ROBO2: variants seen among roughly 807,000 people sequenced by gnomAD.
The protein encoded by ROBO2 is roundabout homolog 2.
ROBO2 carries 53 observed loss-of-function variants against 160.8 expected under a neutral mutation model. That is an observed-to-expected ratio of 0.33 (90% CI 0.26 to 0.41). The LOEUF (loss-of-function observed/expected upper bound fraction) is 0.41, where lower values mean the gene tolerates loss of function less well. Ranked by LOEUF, ROBO2 falls within the 10% of genes least tolerant of loss-of-function variation. The pLI, the probability that ROBO2 is intolerant of heterozygous loss-of-function variation, is 1.00. For missense variants in ROBO2, 1,577 were observed against 1,722.4 expected, an observed-to-expected ratio of 0.92 and a Z score of 1.49; for synonymous variants, 664 against 611.7, an observed-to-expected ratio of 1.09 and a Z score of -1.26.
At chr3:76,841,812 T>C (rs1041900685) in intron 2 of ROBO2, among the ~76,000 whole-genome samples, 3 of 152,226 alleles carry the variant, frequency 2.0e-5, no homozygotes, top group Non-Finnish European at 4.4e-5. Context: ...GAATTAAAAG[T>C]ACTATTCAGT....
At chr3:76,186,695 C>G (rs970239772) in intron 2 of ROBO2, among the ~76,000 whole-genome samples, 1 of 152,102 alleles carries the variant, frequency 6.6e-6, no homozygotes, top group Non-Finnish European at 1.5e-5. Flanking sequence ...CATCTCTTGT[C>G]CTCATATCTG....
chr3:76,727,353 A>G (rs2093568279), intron 2 of ROBO2, among the ~76,000 whole-genome samples: 1 of 152,196 alleles, frequency 6.6e-6, no homozygotes, highest in African/African-American at 2.4e-5. Context: ...AAATGGAAAT[A>G]TTTAAAAAGC....
At chr3:76,411,725 G>C (rs559294855) in intron 2 of ROBO2, among the ~76,000 whole-genome samples, 1 of 152,258 alleles carries the variant, frequency 6.6e-6, no homozygotes, top group African/African-American at 2.4e-5. Context: ...TGGCATGCAA[G>C]TAATTTTTGT....
At chr3:77,566,867 CA>C (rs2093498004) in intron 12 of ROBO2, among the ~76,000 whole-genome samples, 1 of 151,958 alleles carries the variant, frequency 6.6e-6, no homozygotes, top group Non-Finnish European at 1.5e-5. Flanking sequence ...ATCTGCAAAG[CA>C]TTTCTTTTTC....
intron 2 of ROBO2, among the ~76,000 whole-genome samples, chr3:76,807,039 G>A (rs1299950385): frequency 6.6e-6 from 1 of 151,860 alleles, no homozygotes. Flanking sequence ...CCAAAAGTTG[G>A]GGAAGAAGAC....
chr3:76,854,072 C>G (rs796221705), intron 2 of ROBO2, among the ~76,000 whole-genome samples: 1 of 71,696 alleles, frequency 1.4e-5, no homozygotes, highest in Non-Finnish European at 3.2e-5. Context: ...CTCTCTTTCT[C>G]TGTCTGCCTC....
At chr3:77,257,952 T>C (rs1322025137) in intron 2 of ROBO2, among the ~76,000 whole-genome samples, 3 of 152,262 alleles carry the variant, frequency 2.0e-5, no homozygotes, top group Non-Finnish European at 4.4e-5. Flanking sequence ...TATAATGCCA[T>C]TTAAACCTTT....
intron 2 of ROBO2, among the ~76,000 whole-genome samples, chr3:76,048,693 C>T (rs1458687436): frequency 2.0e-5 from 3 of 151,976 alleles, no homozygotes; most frequent in Non-Finnish European, 2.9e-5. Context: ...TCCATTTGAC[C>T]CCTAAAAAGC....
intron 2 of ROBO2, among the ~76,000 whole-genome samples, chr3:76,484,327 A>G (rs2079374522): frequency 6.6e-6 from 1 of 152,222 alleles, no homozygotes; most frequent in African/African-American, 2.4e-5. Context: ...TTCTTAATGT[A>G]AAATATATGT....
At chr3:76,043,969 G>A (rs2067367174) in intron 2 of ROBO2, among the ~76,000 whole-genome samples, 1 of 151,872 alleles carries the variant, frequency 6.6e-6, no homozygotes, top group Non-Finnish European at 1.5e-5. Flanking sequence ...GTTGAGTGGT[G>A]GTGTTTTACA....
chr3:77,365,163 A>G (rs1471744716), intron 2 of ROBO2, among the ~76,000 whole-genome samples: 1 of 151,810 alleles, frequency 6.6e-6, no homozygotes, highest in East Asian at 1.9e-4. Flanking sequence ...AAAAAAAAAA[A>G]AAAAGAAAGA....
intron 2 of ROBO2, among the ~76,000 whole-genome samples, chr3:76,948,908 A>ATTTTTT (rs1157110855): frequency 4.0e-5 from 1 of 24,970 alleles, no homozygotes; most frequent in African/African-American, 1.8e-4. Context: ...ATATATATAT[A>ATTTTTT]TTTTTTTTTT....
chr3:77,232,562 C>T (rs62249661), intron 2 of ROBO2, among the ~76,000 whole-genome samples: 3 of 151,974 alleles, frequency 2.0e-5, no homozygotes, highest in African/African-American at 4.8e-5. Context: ...TTGAGATATG[C>T]GATATTAAAA....
At chr3:77,195,723 A>C (rs1315902464) in intron 2 of ROBO2, among the ~76,000 whole-genome samples, 1 of 152,224 alleles carries the variant, frequency 6.6e-6, no homozygotes, top group Non-Finnish European at 1.5e-5. Context: ...CTTGCCTTGC[A>C]AAATTATATT....
chr3:77,390,383 C>T (rs529328910), intron 2 of ROBO2, among the ~76,000 whole-genome samples: 5 of 152,290 alleles, frequency 3.3e-5, no homozygotes, highest in Admixed American at 1.3e-4. Flanking sequence ...ACAATTCCCA[C>T]GTGTCATGGG....
chr3:77,422,742 T>C (rs1290891524), intron 2 of ROBO2, among the ~76,000 whole-genome samples: 1 of 152,200 alleles, frequency 6.6e-6, no homozygotes, highest in Non-Finnish European at 1.5e-5. Flanking sequence ...CTCACAGTGA[T>C]TTGCACCTAT....
At position 76,714,633 on chromosome 3, in the gene ROBO2, A is replaced by G. The variant is rs530130059; in HGVS notation, c.110-383381A>G. On this transcript the variant is annotated intron_variant, in intron 2 of 26. Coordinates refer to the ROBO2 transcript ENST00000487694. The stretch of plus-strand genomic sequence containing the variant: ...GTTAGATAGTGACTAGGGGACCCCC[A>G]TAACTCAGAATTTGGAGAGTAGTCT... 1.1e-4 allele frequency among the ~76,000 whole-genome samples: 16 copies of G among 152,310 alleles called. No individual in the cohort carries two copies. The South Asian group carries it at 3.3e-3, about 32-fold the overall frequency.
chr3:77,614,947 C>A (rs561182994), intron 21 of ROBO2, among the ~76,000 whole-genome samples: 2 of 152,188 alleles, frequency 1.3e-5, no homozygotes, highest in South Asian at 2.1e-4. Context: ...CTTCAAATTC[C>A]TTTCTCTTCC....
chr3:77,163,532 G>A (rs2078679391), intron 2 of ROBO2, among the ~76,000 whole-genome samples: 1 of 152,160 alleles, frequency 6.6e-6, no homozygotes, highest in African/African-American at 2.4e-5. Flanking sequence ...AATCACAGAG[G>A]TCAACTATAA....
Sources: gnomAD v4.1 joint callset for allele counts (sites outside exome capture counted in the v4.1 genomes callset) on GRCh38, gnomAD v4.1.1 for gene constraint, MANE v1.5 for transcripts, NCBI Gene and HGNC (gene_info 2026-07-23, HGNC 2026-07-21) for gene names.